Variants in KHDRBS2 observed in about 807,000 individuals in gnomAD.
KHDRBS2 encodes KH domain-containing, RNA-binding, signal transduction-associated protein 2.
In KHDRBS2, 26 loss-of-function variants were observed where a neutral mutation model predicts 44.3. The ratio of observed to expected loss-of-function variants is 0.59; its 90% confidence interval spans 0.43 to 0.81. The LOEUF (loss-of-function observed/expected upper bound fraction) is 0.81, where lower values mean the gene tolerates loss of function less well. Ranked by LOEUF, KHDRBS2 falls within the 40% of genes least tolerant of loss-of-function variation. The pLI, the probability that KHDRBS2 is intolerant of heterozygous loss-of-function variation, is 0.00. For missense variants in KHDRBS2, 476 were observed against 433.1 expected (o/e 1.10, Z -0.88); for synonymous variants, 194 against 151.1 (o/e 1.28, Z -2.08).
intron 4 of KHDRBS2, among the ~76,000 whole-genome samples, chr6:61,922,541 C>T (rs1808253545): frequency 6.6e-6 from 1 of 151,860 alleles, no homozygotes; most frequent in African/African-American, 2.4e-5. Flanking sequence ...CTATCTAGGG[C>T]TAGGAAAAGA....
At chr6:62,013,900 G>A (rs1780740935) in intron 3 of KHDRBS2, among the ~76,000 whole-genome samples, 1 of 152,158 alleles carries the variant, frequency 6.6e-6, no homozygotes, top group African/African-American at 2.4e-5. Flanking sequence ...TTAAGTCAAA[G>A]AGGTGCTAGC....
At chr6:61,722,802 C>T (rs549425807) in intron 7 of KHDRBS2, among the ~76,000 whole-genome samples, 50 of 151,934 alleles carry the variant, frequency 3.3e-4, no homozygotes, top group Middle Eastern at 3.4e-3. Context: ...CTCCGCCTCC[C>T]GGGTTCACAA....
chr6:61,826,822 T>G (rs2127257801), intron 6 of KHDRBS2, among the ~76,000 whole-genome samples: 1 of 152,248 alleles, frequency 6.6e-6, no homozygotes, highest in South Asian at 2.1e-4. Flanking sequence ...TTTGGGAAGT[T>G]TTTTGAAAGC....
At chr6:61,962,360 AC>A (rs1768929356) in intron 4 of KHDRBS2, among the ~76,000 whole-genome samples, 1 of 152,036 alleles carries the variant, frequency 6.6e-6, no homozygotes, top group South Asian at 2.1e-4. Context: ...ATTCTCAAAA[AC>A]TTGCTGCTCT....
intron 2 of KHDRBS2, among the ~76,000 whole-genome samples, chr6:62,068,625 T>G (rs1316887051): frequency 2.6e-5 from 4 of 151,688 alleles, no homozygotes; most frequent in African/African-American, 9.7e-5. Flanking sequence ...TCATATAGTT[T>G]TAACTCATAT....
At chr6:62,011,894 G>T (rs1780361559) in intron 3 of KHDRBS2, among the ~76,000 whole-genome samples, 1 of 152,164 alleles carries the variant, frequency 6.6e-6, no homozygotes. Flanking sequence ...GGTTAAAGGT[G>T]TTAAAACTGT....
At chr6:61,613,962 C>T in the KHDRBS2 span, among the ~76,000 whole-genome samples, 1 of 152,146 alleles carries the variant, frequency 6.6e-6, no homozygotes, top group Non-Finnish European at 1.5e-5. Context: ...ATCCTCCAGA[C>T]CAAAAATAAT....
intron 2 of KHDRBS2, among the ~76,000 whole-genome samples, chr6:62,084,886 C>T (rs764093471): frequency 6.6e-6 from 1 of 152,008 alleles, no homozygotes; most frequent in Non-Finnish European, 1.5e-5. Context: ...TTTTCCTTTG[C>T]TTTCAAGAAA....
At chr6:62,049,176 C>A (rs1788419991) in intron 2 of KHDRBS2, among the ~76,000 whole-genome samples, 1 of 151,222 alleles carries the variant, frequency 6.6e-6, no homozygotes. Flanking sequence ...GGTATAATGC[C>A]CAAAAAGACT....
intron 4 of KHDRBS2, among the ~76,000 whole-genome samples, chr6:61,938,690 G>C (rs1811506536): frequency 6.6e-6 from 1 of 152,032 alleles, no homozygotes; most frequent in Admixed American, 6.6e-5. Flanking sequence ...GGAAAACAAA[G>C]GAAAACCAAC....
chr6:62,254,243 T>C (rs1284923563), intron 1 of KHDRBS2, among the ~76,000 whole-genome samples: 1 of 152,078 alleles, frequency 6.6e-6, no homozygotes, highest in African/African-American at 2.4e-5. Context: ...CACTTTACTA[T>C]GCTCAAGATA....
chr6:61,576,488 C>T, the KHDRBS2 span, among the ~76,000 whole-genome samples: 151 of 152,164 alleles, frequency 9.9e-4, 1 homozygote, highest in African/African-American at 3.3e-3. Context: ...TTAGGCTTTT[C>T]TAAGTATAAG....
rs116114651 is a variant in KHDRBS2 at position 61,753,401 on chromosome 6, C to A, written c.811-20637G>T. ...GACCGGTGGTGGTACCCCCACCCCC[C>A]CAAACCATATGAGCATTTCTCAGAT... On this transcript the variant is annotated intron_variant, in intron 6 of 8. Coordinates refer to ENST00000281156, the MANE Select transcript of KHDRBS2 (RefSeq NM_152688.4). Among the ~76,000 whole-genome samples, 861 of 152,180 alleles carry A rather than the reference C, an allele frequency of 5.7e-3. 11 individuals carry two copies. The highest frequency in any genetic ancestry group is 0.019 in the African/African-American group (782 of 41,526).
intron 1 of KHDRBS2, among the ~76,000 whole-genome samples, chr6:62,258,922 C>T (rs1014156494): frequency 2.0e-5 from 3 of 151,936 alleles, no homozygotes; most frequent in African/African-American, 7.2e-5. Context: ...AGTGATGGTA[C>T]AGAAATAGAC....
At position 62,133,885 on chromosome 6, in the gene KHDRBS2, C is replaced by T. The variant is rs527812976; in HGVS notation, c.219+43300G>A. ...CTTGAGGGAGATGATTTAGGGTATC[C>T]GGTGGAAGAAATTTCTAAAAAGCAA... On this transcript the variant is annotated intron_variant, in intron 2 of 8. Coordinates refer to ENST00000281156, the MANE Select transcript of KHDRBS2 (RefSeq NM_152688.4). Among the ~76,000 whole-genome samples the T allele has an allele frequency of 7.9e-5, 12 of 152,126 alleles. No homozygotes were observed. In the South Asian group the frequency reaches 8.3e-4, roughly 11 times the overall value.
chr6:61,839,038 T>A (rs532407794), intron 6 of KHDRBS2, among the ~76,000 whole-genome samples: 1 of 152,186 alleles, frequency 6.6e-6, no homozygotes, highest in East Asian at 1.9e-4. Context: ...ATTTCGCAGA[T>A]ACCTTTCCTT....
At chr6:61,831,350 A>ATG (rs1347470684) in intron 6 of KHDRBS2, among the ~76,000 whole-genome samples, 2 of 151,920 alleles carry the variant, frequency 1.3e-5, no homozygotes, top group African/African-American at 4.8e-5. Context: ...GATAAGAAAA[A>ATG]TGTGTGTGTG....
At chr6:61,973,145 T>TA (rs1771787285) in intron 4 of KHDRBS2, among the ~76,000 whole-genome samples, 1 of 152,002 alleles carries the variant, frequency 6.6e-6, no homozygotes, top group African/African-American at 2.4e-5. Context: ...AAAAGAAAAA[T>TA]AAAAAATAGA....
chr6:61,659,423 A>T, the KHDRBS2 span, among the ~76,000 whole-genome samples: 1 of 151,762 alleles, frequency 6.6e-6, no homozygotes, highest in African/African-American at 2.4e-5. Context: ...CTATGAACCA[A>T]TTTAGGGCTC....
Sources: gnomAD v4.1 joint callset for allele counts (sites outside exome capture counted in the v4.1 genomes callset) on GRCh38, gnomAD v4.1.1 for gene constraint, MANE v1.5 for transcripts, NCBI Gene and HGNC (gene_info 2026-07-23, HGNC 2026-07-21) for gene names.